METTL5: variants seen among roughly 807,000 people sequenced by gnomAD.
METTL5 encodes the protein rRNA N(6)-adenosine-methyltransferase METTL5.
Under a neutral mutation model 26.5 loss-of-function variants are expected in METTL5, and 28 were observed. The ratio of observed to expected loss-of-function variants is 1.06; its 90% confidence interval spans 0.78 to 1.45. METTL5 has a LOEUF of 1.45. METTL5 is among the 40% of genes most tolerant of loss of function. The pLI is 0.00. For synonymous variants in METTL5, 86 were observed against 82.6 expected, an observed-to-expected ratio of 1.04 and a Z score of -0.22; for missense variants, 231 against 249.9, an observed-to-expected ratio of 0.92 and a Z score of 0.51.
At position 169,811,857 on chromosome 2, in the gene METTL5, A is replaced by G; in HGVS notation, c.593T>C (p.Val198Ala). Residue 198 changes from valine (V) to alanine (A), a missense_variant and splice_region_variant, in exon 7 of 7, where the codon GTG becomes GCG. By Grantham distance (64) the Val-to-Ala change is moderately conservative. Coordinates refer to ENST00000260953, the MANE Select transcript of METTL5 (RefSeq NM_014168.4). ...CCGAATTAGGTCCACTTCAATGTCCACCTGTGAGAAAGGAAAAATTTTTTT... is the reference window on the plus strand; with the variant it reads ...CCGAATTAGGTCCACTTCAATGTCCGCCTGTGAGAAAGGAAAAATTTTTTT... ...ASYKFHKKKS[V>A]DIEVDLIRFS... is the part of the protein sequence containing the mutation. The G allele has an allele frequency of 1.2e-6, 2 of 1,612,012 alleles. No homozygotes were observed. Among genetic ancestry groups the G allele is most frequent in the Non-Finnish European group, 1.7e-6 (2 of 1,179,470 alleles).
intron 5 of METTL5, among the ~76,000 whole-genome samples, chr2:169,814,484 AAAAAG>A (rs1289266187): frequency 6.6e-6 from 1 of 150,996 alleles, no homozygotes; most frequent in Non-Finnish European, 1.5e-5. Flanking sequence ...AAAAAAAAGA[AAAAAG>A]AAAATGAAAT....
rs1235885630 is a variant in METTL5 at position 169,823,321 on chromosome 2, C to T, written c.109+1168G>A. On this transcript the variant is annotated intron_variant, in intron 1 of 6. Transcript: ENST00000260953. ...AACTGGATTCCACTAAAAAAACCTA[C>T]AGTCAGAAGACTAGTAAGTCATTAT... Among the ~76,000 whole-genome samples the T allele has an allele frequency of 2.0e-5, 3 of 152,114 alleles. 1 individual carries two copies. The highest frequency in any genetic ancestry group is 4.8e-5 in the African/African-American group (2 of 41,420).
At chr2:169,824,408 T>C (rs759288201) in intron 1 of METTL5, 81 bp downstream of exon 1, 129 of 1,112,770 alleles carry the variant, frequency 1.2e-4, no homozygotes, top group Non-Finnish European at 1.7e-4. Context: ...ATTCTCTGTA[T>C]CCAAATAACT....
intron 3 of METTL5, among the ~76,000 whole-genome samples, chr2:169,820,358 C>T (rs2081567928): frequency 6.6e-6 from 1 of 152,190 alleles, no homozygotes; most frequent in Non-Finnish European, 1.5e-5. Flanking sequence ...CTGATGGGCA[C>T]ATGTAGAAAC....
At chr2:169,821,069 T>A in intron 3 of METTL5, 23 bp downstream of exon 3, 11 of 1,545,332 alleles carry the variant, frequency 7.1e-6, no homozygotes, top group Non-Finnish European at 9.6e-6. Flanking sequence ...AATATACCAA[T>A]ATACCCGATT....
chr2:169,814,458 G>T (rs1690077659), intron 5 of METTL5, among the ~76,000 whole-genome samples: 1 of 1,430 alleles, frequency 7.0e-4, no homozygotes. Flanking sequence ...AACAGAGCAA[G>T]GCTTTGTCTC....
intron 5 of METTL5, chr2:169,813,185 T>C (rs1257153549): frequency 6.6e-6 from 1 of 150,556 alleles, no homozygotes; most frequent in Non-Finnish European, 1.5e-5. Context: ...TGGAGTGCAG[T>C]GGCGCGATCT....
At position 169,824,752 on chromosome 2, in the gene METTL5, C is replaced by T. The variant is rs374766945; in HGVS notation, c.-155G>A. On this transcript the variant is annotated 5_prime_UTR_variant, in exon 1 of 7. Transcript: ENST00000260953. Reference sequence around the variant, plus strand: ...GACGCGCCCTAAGGAGACGCCCGGACGCAGGGCACGGGGCGAGCCTCTGAC... The same window carrying T: ...GACGCGCCCTAAGGAGACGCCCGGATGCAGGGCACGGGGCGAGCCTCTGAC... 8.2e-6 allele frequency: 5 copies of T among 609,562 alleles called. No homozygotes were observed. Among genetic ancestry groups the T allele is most frequent in the South Asian group, 3.8e-5 (2 of 52,136 alleles). 37.8% of individuals were successfully genotyped at this position (609,562 alleles called of 1,614,324 possible).
intron 4 of METTL5, among the ~76,000 whole-genome samples, chr2:169,819,322 G>C (rs867534191): frequency 2.6e-5 from 4 of 152,072 alleles, no homozygotes. Flanking sequence ...CTACTCCTGA[G>C]TTATAGTCTC....
intron 1 of METTL5, among the ~76,000 whole-genome samples, chr2:169,822,566 A>T (rs936293793): frequency 1.3e-5 from 2 of 152,152 alleles, no homozygotes; most frequent in South Asian, 4.1e-4. Context: ...CTATCAAACA[A>T]GCATTAGCAT....
Position 169,819,542 on chromosome 2 carries a change from T to C in METTL5, c.489+19A>G. On this transcript the variant is annotated intron_variant, in intron 4 of 6. Coordinates refer to ENST00000260953, the MANE Select transcript of METTL5 (RefSeq NM_014168.4). ...ATTTAAAAATCAATGCCACAGAATA[T>C]CAGATGATTTGAACTTACTTCTCTA... 6.4e-7 allele frequency: 1 copy of C among 1,561,744 alleles called. No homozygotes were observed. The highest frequency in any genetic ancestry group is 8.8e-7 in the Non-Finnish European group (1 of 1,134,728).
Position 169,812,504 on chromosome 2 carries a change from GT to G in METTL5, c.543del (p.Glu181AspfsTer24). ...EWKIKIDIIA[E>X]LRYDLPASYK... ...TATGATGCTGGCAGGTCATATCGAA[GT>G]TCTGTAAAACAAAAGCCACCTAAGG... is the stretch of plus-strand genomic sequence containing the variant. On this transcript the variant is annotated frameshift_variant and splice_region_variant, in exon 6 of 7. Coordinates refer to ENST00000260953, the MANE Select transcript of METTL5 (RefSeq NM_014168.4). LOFTEE classifies it high-confidence loss of function. The G allele has an allele frequency of 6.2e-7, 1 of 1,613,378 alleles. No individual in the cohort carries two copies.
intron 5 of METTL5, 81 bp downstream of exon 5, chr2:169,815,396 C>CTT: frequency 1.1e-6 from 1 of 939,868 alleles, no homozygotes; most frequent in Non-Finnish European, 1.7e-6. Flanking sequence ...CATAGTTTAT[C>CTT]TTCTCAGCAC....
At chr2:169,812,530 G>T in intron 5 of METTL5, 24 bp from the exon 6 acceptor site, 1 of 1,609,818 alleles carries the variant, frequency 6.2e-7, no homozygotes, top group South Asian at 1.1e-5. Flanking sequence ...GCCACCTAAG[G>T]ATAAAATTGT....
At chr2:169,821,319 A>G in intron 2 of METTL5, 46 bp from the exon 3 acceptor site, 4 of 1,399,534 alleles carry the variant, frequency 2.9e-6, no homozygotes, top group Non-Finnish European at 2.8e-6. Context: ...TATAGCTCCC[A>G]AGTAAAAACA....
At chr2:169,819,483 G>T (rs1435385703) in intron 4 of METTL5, 78 bp downstream of exon 4, 3 of 1,062,768 alleles carry the variant, frequency 2.8e-6, no homozygotes, top group Non-Finnish European at 4.3e-6. Flanking sequence ...GTGGTATCTA[G>T]TATTCACAGC....
intron 3 of METTL5, 21 bp downstream of exon 3, chr2:169,821,071 T>A (rs754636027): frequency 1.3e-6 from 2 of 1,550,208 alleles, no homozygotes; most frequent in Non-Finnish European, 1.7e-6. Flanking sequence ...TATACCAATA[T>A]ACCCGATTCT....
intron 3 of METTL5, among the ~76,000 whole-genome samples, chr2:169,820,333 G>A (rs1417642019): frequency 6.6e-6 from 1 of 152,178 alleles, no homozygotes. Flanking sequence ...TAACAGCCAC[G>A]GTGAGTCACT....
Position 169,824,681 on chromosome 2 carries a change from TACCCCCA to T in METTL5, c.-91_-85del. 1 of 1,122,210 alleles carries T rather than the reference TACCCCCA, an allele frequency of 8.9e-7. No individual in the cohort carries two copies. The highest frequency in any genetic ancestry group is 1.4e-6 in the Non-Finnish European group (1 of 736,414). 69.5% of individuals were successfully genotyped at this position (1,122,210 alleles called of 1,614,324 possible). ...TTGAACTGGGATCTTGTTTCCTCCCTACCCCCAACCTTCTCCCTTTTTCAGCACCGCT... is the reference window on the plus strand; with the variant it reads ...TTGAACTGGGATCTTGTTTCCTCCCTACCTTCTCCCTTTTTCAGCACCGCT... On this transcript the variant is annotated 5_prime_UTR_variant, in exon 1 of 7. Transcript: ENST00000260953.
Sources: allele counts gnomAD v4.1 joint callset (sites outside exome capture counted in the v4.1 genomes callset), GRCh38; gene constraint gnomAD v4.1.1; transcripts MANE v1.5; gene names NCBI Gene and HGNC (gene_info 2026-07-23, HGNC 2026-07-21).